The following LRIG1 variants were observed in gnomAD, a reference collection of about 807,000 sequenced individuals.
The protein encoded by LRIG1 is leucine rich repeats and immunoglobulin like domains 1.
Under a neutral mutation model 99.2 loss-of-function variants are expected in LRIG1, and 48 were observed. The observed-to-expected ratio is 0.48, with a 90% CI of 0.38 to 0.62. The LOEUF (loss-of-function observed/expected upper bound fraction) is 0.62, where lower values mean the gene tolerates loss of function less well. LRIG1 is among the 20% of genes least tolerant of loss of function. The pLI, the probability that LRIG1 is intolerant of heterozygous loss-of-function variation, is 0.00. For missense variants in LRIG1, 1,646 were observed against 1,434.4 expected (o/e 1.15, Z -2.38); for synonymous variants, 772 against 596.1 (o/e 1.29, Z -4.30).
intron 1 of LRIG1, among the ~76,000 whole-genome samples, chr3:66,491,102 C>A (rs966968092): frequency 6.6e-6 from 1 of 152,180 alleles, no homozygotes; most frequent in East Asian, 1.9e-4. Context: ...GAACCTAGTT[C>A]TTTGCTTTTT....
intron 9 of LRIG1, 72 bp downstream of exon 9, chr3:66,405,126 G>A (rs1223433344): frequency 7.8e-5 from 107 of 1,366,784 alleles, no homozygotes; most frequent in Middle Eastern, 2.2e-4. Flanking sequence ...CGCGGGGGGC[G>A]CCACAGAAAC....
At chr3:66,465,556 G>A (rs1700455225) in intron 1 of LRIG1, among the ~76,000 whole-genome samples, 1 of 151,560 alleles carries the variant, frequency 6.6e-6, no homozygotes, top group Admixed American at 6.6e-5. Flanking sequence ...AGTAGAGACA[G>A]GGTTTCACCA....
At chr3:66,475,646 T>TA (rs1700705276) in intron 1 of LRIG1, among the ~76,000 whole-genome samples, 1 of 152,238 alleles carries the variant, frequency 6.6e-6, no homozygotes. Flanking sequence ...CCAGGATCAA[T>TA]AAGCCAAAGT....
At chr3:66,432,746 G>A (rs1381500632) in intron 3 of LRIG1, among the ~76,000 whole-genome samples, 2 of 152,150 alleles carry the variant, frequency 1.3e-5, no homozygotes, top group African/African-American at 4.8e-5. Context: ...GAAACCTGAG[G>A]AAGACAGCTT....
At chr3:66,410,343 A>G (rs1395994238) in intron 6 of LRIG1, 71 bp from the exon 7 acceptor site, 1 of 1,459,280 alleles carries the variant, frequency 6.9e-7, no homozygotes. Flanking sequence ...GCAAATGAGC[A>G]GCCACGCTGT....
At chr3:66,466,284 C>A (rs1197569670) in intron 1 of LRIG1, among the ~76,000 whole-genome samples, 1 of 152,102 alleles carries the variant, frequency 6.6e-6, no homozygotes, top group East Asian at 1.9e-4. Flanking sequence ...CTGAAGCAAT[C>A]CTCCCACCTC....
intron 1 of LRIG1, among the ~76,000 whole-genome samples, chr3:66,488,005 T>TAATAAA (rs1240845479): frequency 5.3e-5 from 8 of 151,796 alleles, no homozygotes; most frequent in Non-Finnish European, 1.0e-4. Flanking sequence ...CGGAAAACAA[T>TAATAAA]AATAAAAATA....
At chr3:66,443,312 G>C (rs1341801711) in intron 3 of LRIG1, among the ~76,000 whole-genome samples, 1 of 136,110 alleles carries the variant, frequency 7.3e-6, no homozygotes, top group Admixed American at 7.5e-5. Context: ...TATGTGTTGG[G>C]GGCAGGGGAT....
intron 1 of LRIG1, among the ~76,000 whole-genome samples, chr3:66,497,862 G>A (rs544616261): frequency 7.2e-5 from 11 of 152,216 alleles, no homozygotes; most frequent in East Asian, 1.9e-4. Context: ...GGCTTAGAGC[G>A]TGTAAACTTG....
chr3:66,431,681 T>C (rs1243214869), intron 3 of LRIG1, among the ~76,000 whole-genome samples: 1 of 152,174 alleles, frequency 6.6e-6, no homozygotes, highest in Admixed American at 6.5e-5. Flanking sequence ...TCCTCTGACC[T>C]CACCAACTAG....
chr3:66,486,531 A>G (rs1559823944), intron 1 of LRIG1, among the ~76,000 whole-genome samples: 1 of 152,202 alleles, frequency 6.6e-6, no homozygotes, highest in Non-Finnish European at 1.5e-5. Flanking sequence ...CTGGTTAGCA[A>G]GGCACCTGAA....
chr3:66,418,698 C>T (rs141567407), intron 3 of LRIG1, among the ~76,000 whole-genome samples: 1,847 of 152,308 alleles, frequency 0.012, 19 homozygotes, highest in Admixed American at 0.023. Flanking sequence ...GTAAGCCAGG[C>T]GTCGCTTACC....
chr3:66,483,656 C>A (rs1015918218), intron 1 of LRIG1, among the ~76,000 whole-genome samples: 1 of 152,232 alleles, frequency 6.6e-6, no homozygotes, highest in Non-Finnish European at 1.5e-5. Flanking sequence ...AGCAGAATAA[C>A]CACAAGGGGA....
chr3:66,380,563 C>T lies in LRIG1; in HGVS notation c.3055+14G>A, dbSNP rs769941037. 2 of 1,613,388 alleles carry T rather than the reference C, an allele frequency of 1.2e-6. No homozygotes were observed. Among genetic ancestry groups the T allele is most frequent in the South Asian group, 1.1e-5 (1 of 91,076 alleles). On this transcript the variant is annotated intron_variant, in intron 18 of 18. Coordinates refer to ENST00000273261, the MANE Select transcript of LRIG1 (RefSeq NM_015541.3). ...AGCTCCCAACCCACCTGTTAGAAGA[C>T]AGTCAAAAGTTACCTTTCCCATCTA... is the stretch of plus-strand genomic sequence containing the variant.
chr3:66,386,399 A>G, intron 12 of LRIG1, 98 bp from the exon 13 acceptor site: 1 of 1,035,128 alleles, frequency 9.7e-7, no homozygotes, highest in East Asian at 2.4e-5. Flanking sequence ...GACACCAAGC[A>G]GGAACCAGAG....
chr3:66,422,828 T>C (rs140762481), intron 3 of LRIG1, among the ~76,000 whole-genome samples: 30 of 152,342 alleles, frequency 2.0e-4, no homozygotes, highest in Admixed American at 1.2e-3. Context: ...AGAGATTTAA[T>C]TGGACACACA....
chr3:66,394,422 G>A (rs903527469), intron 11 of LRIG1, among the ~76,000 whole-genome samples: 1 of 152,160 alleles, frequency 6.6e-6, no homozygotes, highest in Non-Finnish European at 1.5e-5. Context: ...TGATTGGGTG[G>A]GTCAGGAGTG....
chr3:66,417,408 C>G, intron 3 of LRIG1, 142 bp from the exon 4 acceptor site: 3 of 886,166 alleles, frequency 3.4e-6, no homozygotes, highest in Admixed American at 2.5e-5. Flanking sequence ...GTTTCTTTTC[C>G]CATCAAGTTA....
chr3:66,405,952 G>A, intron 8 of LRIG1: 1 of 997,454 alleles, frequency 1.0e-6, no homozygotes, highest in Middle Eastern at 2.8e-4. Context: ...CCAGCTTCCA[G>A]GAGCAGGTCA....
Sources: gnomAD v4.1 joint callset for allele counts (sites outside exome capture counted in the v4.1 genomes callset) on GRCh38, gnomAD v4.1.1 for gene constraint, MANE v1.5 for transcripts, NCBI Gene and HGNC (gene_info 2026-07-23, HGNC 2026-07-21) for gene names.